The following R3HCC1L variants were observed in gnomAD, a reference collection of about 807,000 sequenced individuals.
The protein encoded by R3HCC1L is coiled-coil domain-containing protein R3HCC1L.
A neutral mutation model predicts 59.9 loss-of-function variants in R3HCC1L; 51 were observed. That is an observed-to-expected ratio of 0.85 (90% CI 0.68 to 1.07). R3HCC1L has a LOEUF of 1.07. Ranked by LOEUF, R3HCC1L falls within the 50% of genes least tolerant of loss-of-function variation. The pLI, the probability that R3HCC1L is intolerant of heterozygous loss-of-function variation, is 0.00. For missense variants in R3HCC1L, 965 were observed against 933.0 expected (o/e 1.03, Z -0.45); for synonymous variants, 322 against 315.2 (o/e 1.02, Z -0.23).
intron 1 of R3HCC1L, among the ~76,000 whole-genome samples, chr10:98,150,711 CT>C (rs1846072788): frequency 6.6e-6 from 1 of 152,080 alleles, no homozygotes; most frequent in South Asian, 2.1e-4. Context: ...TGGAATGAAC[CT>C]CCTACAGCGT....
At chr10:98,185,583 A>G (rs771458225) in intron 4 of R3HCC1L, among the ~76,000 whole-genome samples, 2 of 152,166 alleles carry the variant, frequency 1.3e-5, no homozygotes, top group Non-Finnish European at 2.9e-5. Flanking sequence ...TGGAAAACAA[A>G]CAAACCCACA....
At chr10:98,185,438 A>ATCTGGC (rs1316262520) in intron 4 of R3HCC1L, among the ~76,000 whole-genome samples, 1 of 152,210 alleles carries the variant, frequency 6.6e-6, no homozygotes, top group African/African-American at 2.4e-5. Context: ...TCTTATCTAG[A>ATCTGGC]ATGATTAGGT....
At chr10:98,140,410 C>A (rs1240214901) in intron 1 of R3HCC1L, among the ~76,000 whole-genome samples, 4 of 152,076 alleles carry the variant, frequency 2.6e-5, no homozygotes, top group Non-Finnish European at 5.9e-5. Flanking sequence ...TCAAAGACAC[C>A]TACACACAGA....
At chr10:98,220,161 A>G (rs749311381) in intron 5 of R3HCC1L, among the ~76,000 whole-genome samples, 9 of 151,902 alleles carry the variant, frequency 5.9e-5, no homozygotes, top group African/African-American at 1.7e-4. Context: ...ATTGCCCTCA[A>G]TTGTATTTTT....
chr10:98,198,044 G>A (rs1473280497), intron 4 of R3HCC1L, among the ~76,000 whole-genome samples: 2 of 152,174 alleles, frequency 1.3e-5, no homozygotes, highest in Non-Finnish European at 2.9e-5. Context: ...CTTTTAGAAA[G>A]TCACTGGAAG....
intron 4 of R3HCC1L, among the ~76,000 whole-genome samples, chr10:98,182,390 T>A (rs2134606332): frequency 6.6e-6 from 1 of 152,296 alleles, no homozygotes; most frequent in Non-Finnish European, 1.5e-5. Flanking sequence ...TATTCCTGCC[T>A]GATCCTTCCT....
At chr10:98,233,312 A>G (rs781333411) in intron 6 of R3HCC1L, among the ~76,000 whole-genome samples, 2 of 152,222 alleles carry the variant, frequency 1.3e-5, no homozygotes, top group Non-Finnish European at 2.9e-5. Flanking sequence ...AACATTCCCC[A>G]AAGAGAAAAA....
intron 1 of R3HCC1L, among the ~76,000 whole-genome samples, chr10:98,151,132 G>C (rs1387145435): frequency 6.6e-6 from 1 of 152,168 alleles, no homozygotes; most frequent in Non-Finnish European, 1.5e-5. Context: ...TATTGCTTGT[G>C]ATAATCTCAG....
chr10:98,190,182 C>T (rs750712294), intron 4 of R3HCC1L, among the ~76,000 whole-genome samples: 2 of 152,156 alleles, frequency 1.3e-5, no homozygotes, highest in African/African-American at 4.8e-5. Context: ...ATGTTCAGTA[C>T]AGACACAATT....
intron 4 of R3HCC1L, among the ~76,000 whole-genome samples, chr10:98,185,367 A>G (rs1362716648): frequency 6.6e-6 from 1 of 152,160 alleles, no homozygotes; most frequent in African/African-American, 2.4e-5. Context: ...TTAAAGAGGT[A>G]ATTATACTAA....
chr10:98,191,897 T>C (rs1487433303), intron 4 of R3HCC1L, among the ~76,000 whole-genome samples: 1 of 152,168 alleles, frequency 6.6e-6, no homozygotes, highest in East Asian at 1.9e-4. Flanking sequence ...TGATCTCGGC[T>C]CACTGTAACC....
At chr10:98,195,177 C>A (rs532450045) in intron 4 of R3HCC1L, among the ~76,000 whole-genome samples, 2 of 152,272 alleles carry the variant, frequency 1.3e-5, no homozygotes, top group African/African-American at 4.8e-5. Flanking sequence ...CATGGTTGAA[C>A]CTTCAGGACA....
chr10:98,198,549 G>GA (rs35603748), intron 4 of R3HCC1L, among the ~76,000 whole-genome samples: 74,721 of 147,124 alleles, frequency 0.51, 18,921 homozygotes, highest in Non-Finnish European at 0.56. Flanking sequence ...TCGTTTTCAG[G>GA]AAAAAAAAAA....
rs147499295 is a variant in R3HCC1L at position 98,243,859 on chromosome 10, A to G, written c.2270-232A>G. ...ATTCTGACTTATTCCATATACTTCT[A>G]TTAGCCTCAGATATTTTTTATTATA... is the stretch of plus-strand genomic sequence containing the variant. On this transcript the variant is annotated intron_variant, in intron 9 of 9. Coordinates refer to ENST00000298999, the MANE Select transcript of R3HCC1L (RefSeq NM_001351015.2). Among the ~76,000 whole-genome samples the G allele has an allele frequency of 2.3e-3, 353 of 152,364 alleles. 2 individuals carry two copies. The highest frequency in any genetic ancestry group is 8.0e-3 in the African/African-American group (332 of 41,590).
At chr10:98,160,025 C>T (rs185196852) in intron 2 of R3HCC1L, among the ~76,000 whole-genome samples, 17 of 152,306 alleles carry the variant, frequency 1.1e-4, no homozygotes, top group South Asian at 4.1e-4. Context: ...CAGATTCTGA[C>T]CCAACACTAC....
rs376923592 is a variant in R3HCC1L at position 98,146,040 on chromosome 10, C to T, written c.-267-10053C>T. Among the ~76,000 whole-genome samples, 5 of 152,250 alleles carry T rather than the reference C, an allele frequency of 3.3e-5. No homozygotes were observed. The East Asian group carries it at 7.7e-4, about 23-fold the overall frequency. On this transcript the variant is annotated intron_variant, in intron 1 of 9. Coordinates refer to ENST00000298999, the MANE Select transcript of R3HCC1L (RefSeq NM_001351015.2). ...CTTACTTGGTCACCCATCTATTTACCATACATATTTCTAAGTAATAATTGG... is the reference window on the plus strand; with the variant it reads ...CTTACTTGGTCACCCATCTATTTACTATACATATTTCTAAGTAATAATTGG...
At chr10:98,234,335 C>A in intron 6 of R3HCC1L, 111 bp from the exon 7 acceptor site, 1 of 915,194 alleles carries the variant, frequency 1.1e-6, no homozygotes, top group Non-Finnish European at 1.7e-6. Flanking sequence ...TCCACCTGTG[C>A]ACTCGTTGAG....
chr10:98,163,297 G>C lies in R3HCC1L; in HGVS notation c.-115G>C, dbSNP rs1847625563. ...CTTATTATTACTATTTTTCAGGTGAGGCTGCTGTCAGAAAGGAACTTTTAC... is the reference window on the plus strand; with the variant it reads ...CTTATTATTACTATTTTTCAGGTGACGCTGCTGTCAGAAAGGAACTTTTAC... On this transcript the variant is annotated 5_prime_UTR_variant, in exon 4 of 10. Coordinates refer to ENST00000298999, the MANE Select transcript of R3HCC1L (RefSeq NM_001351015.2). 1 of 657,760 alleles carries C rather than the reference G, an allele frequency of 1.5e-6. No homozygotes were observed. The highest frequency in any genetic ancestry group is 1.9e-5 in the African/African-American group (1 of 53,798). 40.7% of individuals were successfully genotyped at this position (657,760 alleles called of 1,614,324 possible). A position where few individuals can be genotyped will look rare whatever the true frequency, so the allele number is the denominator to read the frequency against.
At chr10:98,135,258 G>GC (rs1290843890) in intron 1 of R3HCC1L, among the ~76,000 whole-genome samples, 2 of 152,238 alleles carry the variant, frequency 1.3e-5, no homozygotes, top group African/African-American at 4.8e-5. Flanking sequence ...TGTGAGTGCA[G>GC]CCCCCTCTCA....
Sources: allele counts gnomAD v4.1 joint callset (sites outside exome capture counted in the v4.1 genomes callset), GRCh38; gene constraint gnomAD v4.1.1; transcripts MANE v1.5; gene names NCBI Gene and HGNC (gene_info 2026-07-23, HGNC 2026-07-21).